TAFA4: variants seen among roughly 807,000 people sequenced by gnomAD.
The protein encoded by TAFA4 is chemokine-like protein TAFA-4.
TAFA4 carries 20 observed loss-of-function variants against 21.1 expected under a neutral mutation model. The ratio of observed to expected loss-of-function variants is 0.95; its 90% CI spans 0.67 to 1.38. TAFA4 has a LOEUF of 1.38. Ranked by LOEUF, TAFA4 falls within the 40% of genes most tolerant of loss-of-function variation. TAFA4 has a pLI of 0.00. For synonymous variants in TAFA4, 71 were observed against 67.4 expected, an observed-to-expected ratio of 1.05 and a Z score of -0.26; for missense variants, 211 against 180.9, an observed-to-expected ratio of 1.17 and a Z score of -0.95.
At chr3:68,872,770 A>G (rs935366757) in intron 3 of TAFA4, among the ~76,000 whole-genome samples, 3 of 152,164 alleles carry the variant, frequency 2.0e-5, no homozygotes, top group Admixed American at 6.6e-5. Context: ...TCATGTCACA[A>G]AAATACTTTT....
chr3:68,827,559 C>G (rs990797324), intron 3 of TAFA4, among the ~76,000 whole-genome samples: 4 of 152,150 alleles, frequency 2.6e-5, no homozygotes, highest in Non-Finnish European at 5.9e-5. Context: ...TGTTTCCTGA[C>G]TTTTTAATGA....
At chr3:68,911,335 A>G (rs1057480382) in intron 1 of TAFA4, among the ~76,000 whole-genome samples, 1 of 152,266 alleles carries the variant, frequency 6.6e-6, no homozygotes, top group Non-Finnish European at 1.5e-5. Flanking sequence ...CTGTCCAATT[A>G]GAATCAAATG....
chr3:68,915,014 T>C (rs1319276676), intron 1 of TAFA4, among the ~76,000 whole-genome samples: 2 of 152,218 alleles, frequency 1.3e-5, no homozygotes, highest in African/African-American at 4.8e-5. Context: ...ACAGAGTTCA[T>C]GGGGCCACAA....
intron 1 of TAFA4, among the ~76,000 whole-genome samples, chr3:68,922,392 A>G (rs2090067913): frequency 1.3e-5 from 2 of 152,164 alleles, no homozygotes. Flanking sequence ...GAATTTGGGG[A>G]CCGGTATACC....
At chr3:68,805,473 T>C (rs537149008) in intron 3 of TAFA4, among the ~76,000 whole-genome samples, 93 of 152,268 alleles carry the variant, frequency 6.1e-4, no homozygotes, top group South Asian at 1.5e-3. Context: ...CAAAGGACTA[T>C]AAAATCATGC....
At chr3:68,816,784 G>T (rs7611315) in intron 3 of TAFA4, among the ~76,000 whole-genome samples, 15 of 144,082 alleles carry the variant, frequency 1.0e-4, no homozygotes, top group African/African-American at 3.2e-4. Flanking sequence ...TTATTTCCCC[G>T]TGCATATAAA....
chr3:68,786,551 T>C (rs982633541), intron 3 of TAFA4, among the ~76,000 whole-genome samples: 1 of 152,270 alleles, frequency 6.6e-6, no homozygotes, highest in African/African-American at 2.4e-5. Context: ...ATATACACTT[T>C]CTACTGTTTG....
At position 68,733,077 on chromosome 3, in the gene TAFA4, G is replaced by A; in HGVS notation, c.*65C>T. On this transcript the variant is annotated 3_prime_UTR_variant, in exon 6 of 6. Transcript: ENST00000295569. ...ATTTTCTGCAAAGGGGCCATGATGG[G>A]AATCCAAGCAAAAGAGCTCCGCCTC... 2 of 1,606,042 alleles carry A rather than the reference G, an allele frequency of 1.2e-6. No homozygotes were observed. The highest frequency in any genetic ancestry group is 1.7e-6 in the Non-Finnish European group (2 of 1,175,528).
chr3:68,910,949 A>G (rs2089955865), intron 1 of TAFA4, among the ~76,000 whole-genome samples: 1 of 152,246 alleles, frequency 6.6e-6, no homozygotes, highest in Admixed American at 6.5e-5. Flanking sequence ...CCTCCTATTA[A>G]ACTACAAAGC....
intron 1 of TAFA4, among the ~76,000 whole-genome samples, chr3:68,910,777 T>G (rs778215632): frequency 6.6e-6 from 1 of 152,208 alleles, no homozygotes; most frequent in Non-Finnish European, 1.5e-5. Flanking sequence ...CAGGGAGTTA[T>G]TCTGACTATA....
chr3:68,906,743 A>G (rs551920961), intron 1 of TAFA4, among the ~76,000 whole-genome samples: 30 of 152,226 alleles, frequency 2.0e-4, no homozygotes, highest in African/African-American at 7.2e-4. Flanking sequence ...ACTCACTGTC[A>G]TCTGGGCCAG....
At chr3:68,802,400 A>C (rs984798645) in intron 3 of TAFA4, among the ~76,000 whole-genome samples, 2 of 152,124 alleles carry the variant, frequency 1.3e-5, no homozygotes, top group African/African-American at 4.8e-5. Flanking sequence ...CAGAAATAAA[A>C]GGTAGCATGT....
intron 3 of TAFA4, among the ~76,000 whole-genome samples, chr3:68,815,548 A>G (rs1456547865): frequency 6.6e-6 from 1 of 152,206 alleles, no homozygotes; most frequent in Non-Finnish European, 1.5e-5. Context: ...ATGCAGCCAA[A>G]AGACGCATGA....
intron 3 of TAFA4, among the ~76,000 whole-genome samples, chr3:68,805,777 G>A (rs1703682816): frequency 6.6e-6 from 1 of 151,974 alleles, no homozygotes; most frequent in East Asian, 1.9e-4. Context: ...GACACAGGAA[G>A]GGGAACATCA....
chr3:68,789,186 G>C (rs956633108), intron 3 of TAFA4, among the ~76,000 whole-genome samples: 2 of 150,932 alleles, frequency 1.3e-5, no homozygotes, highest in South Asian at 2.1e-4. Context: ...AGCTGGGATC[G>C]CGCCACTGCA....
chr3:68,853,936 A>G (rs966100226), intron 3 of TAFA4, among the ~76,000 whole-genome samples: 1 of 152,212 alleles, frequency 6.6e-6, no homozygotes, highest in Non-Finnish European at 1.5e-5. Context: ...GATTCAGCAA[A>G]TATTTACTGA....
At chr3:68,909,210 A>T (rs894000058) in intron 1 of TAFA4, among the ~76,000 whole-genome samples, 2 of 152,220 alleles carry the variant, frequency 1.3e-5, no homozygotes, top group African/African-American at 4.8e-5. Flanking sequence ...GGACAAAATG[A>T]CAACAGAATT....
chr3:68,752,751 A>T, intron 4 of TAFA4, 112 bp downstream of exon 4: 1 of 1,317,158 alleles, frequency 7.6e-7, no homozygotes. Context: ...ATTGACACTG[A>T]TCTCAAAGCA....
At chr3:68,797,612 CAAAA>C (rs71112671) in intron 3 of TAFA4, among the ~76,000 whole-genome samples, 1 of 75,946 alleles carries the variant, frequency 1.3e-5, no homozygotes, top group Non-Finnish European at 2.5e-5. Context: ...GACTCCATCT[CAAAA>C]AAAAAAAAAA....
Sources: gnomAD v4.1 joint callset for allele counts (sites outside exome capture counted in the v4.1 genomes callset) on GRCh38, gnomAD v4.1.1 for gene constraint, MANE v1.5 for transcripts, NCBI Gene and HGNC (gene_info 2026-07-23, HGNC 2026-07-21) for gene names.